The following CIMAP3 variants were observed in gnomAD, a reference collection of about 807,000 sequenced individuals.
CIMAP3 encodes the protein ciliary microtubule associated protein 3, also known as ciliary microtubule-associated protein 3.
the CIMAP3 span, chr1:111,346,896 C>G: frequency 6.2e-7 from 1 of 1,612,872 alleles, no homozygotes; most frequent in South Asian, 1.1e-5. Context: ...TGGAGCCTCT[C>G]CTCTTTATTT....
the CIMAP3 span, chr1:111,347,032 G>A: frequency 3.0e-5 from 49 of 1,612,802 alleles, no homozygotes; most frequent in South Asian, 5.4e-4. Context: ...CAGAGGGCCT[G>A]GGTGTTATTT....
the CIMAP3 span, among the ~76,000 whole-genome samples, chr1:111,327,102 G>A: frequency 0.11 from 16,954 of 149,678 alleles, 1,042 homozygotes; most frequent in Non-Finnish European, 0.13. Context: ...TAATATAGTC[G>A]ATTTGTCTAT....
At chr1:111,350,303 T>G in the CIMAP3 span, 1,640 of 1,148,526 alleles carry the variant, frequency 1.4e-3, 3 homozygotes, top group Non-Finnish European at 1.9e-3. Flanking sequence ...TAATTAGGGG[T>G]CTGTGAATGA....
the CIMAP3 span, chr1:111,348,613 T>G: frequency 1.2e-6 from 2 of 1,612,160 alleles, no homozygotes; most frequent in African/African-American, 2.7e-5. Flanking sequence ...GTGCCTCGAT[T>G]TAAGAACTAC....
At chr1:111,333,580 C>G in the CIMAP3 span, among the ~76,000 whole-genome samples, 1 of 152,088 alleles carries the variant, frequency 6.6e-6, no homozygotes, top group South Asian at 2.1e-4. Context: ...TTTGTGGTGA[C>G]TGGTGGGAAT....
the CIMAP3 span, among the ~76,000 whole-genome samples, chr1:111,347,995 T>C: frequency 6.6e-6 from 1 of 152,360 alleles, no homozygotes; most frequent in Non-Finnish European, 1.5e-5. Flanking sequence ...AACAATTTAC[T>C]GAAGAAATGG....
the CIMAP3 span, among the ~76,000 whole-genome samples, chr1:111,339,266 C>T: frequency 6.6e-6 from 1 of 151,386 alleles, no homozygotes; most frequent in Non-Finnish European, 1.5e-5. Flanking sequence ...TGGGCAAAAA[C>T]TGGAAGCATT....
the CIMAP3 span, chr1:111,350,143 A>C: frequency 6.2e-7 from 1 of 1,614,124 alleles, no homozygotes; most frequent in East Asian, 2.2e-5. Flanking sequence ...GCCACCGCCA[A>C]AAATTGCCTG....
chr1:111,344,884 A>G, the CIMAP3 span, among the ~76,000 whole-genome samples: 1 of 152,248 alleles, frequency 6.6e-6, no homozygotes, highest in Non-Finnish European at 1.5e-5. Flanking sequence ...ACAATGGAGC[A>G]GCCCTATACA....
the CIMAP3 span, among the ~76,000 whole-genome samples, chr1:111,344,221 T>C: frequency 6.6e-6 from 1 of 152,244 alleles, no homozygotes; most frequent in Non-Finnish European, 1.5e-5. Flanking sequence ...TTTAATGCAA[T>C]TGGGAACTGA....
chr1:111,334,800 A>G, the CIMAP3 span, among the ~76,000 whole-genome samples: 1 of 152,216 alleles, frequency 6.6e-6, no homozygotes. Context: ...CAATGAAAGG[A>G]AAGAATCAGT....
chr1:111,331,037 G>A, the CIMAP3 span, among the ~76,000 whole-genome samples: 1 of 152,150 alleles, frequency 6.6e-6, no homozygotes, highest in African/African-American at 2.4e-5. Flanking sequence ...ATTCTCTCCT[G>A]CCCTATAAGG....
the CIMAP3 span, chr1:111,351,315 G>C: frequency 6.3e-7 from 1 of 1,578,236 alleles, no homozygotes; most frequent in Admixed American, 2.0e-5. Flanking sequence ...ACCTAAGCCT[G>C]TATTATAATT....
the CIMAP3 span, among the ~76,000 whole-genome samples, chr1:111,343,714 G>T: frequency 1.3e-5 from 2 of 152,170 alleles, no homozygotes; most frequent in Non-Finnish European, 2.9e-5. Context: ...ACGATGTTCG[G>T]TCTGGCTTTA....
the CIMAP3 span, among the ~76,000 whole-genome samples, chr1:111,344,636 A>G: frequency 1.3e-5 from 2 of 152,258 alleles, no homozygotes; most frequent in African/African-American, 4.8e-5. Context: ...GAAGCAAACC[A>G]GTCTACCAAA....
At chr1:111,345,185 T>C in the CIMAP3 span, among the ~76,000 whole-genome samples, 1 of 152,240 alleles carries the variant, frequency 6.6e-6, no homozygotes, top group African/African-American at 2.4e-5. Flanking sequence ...AATGGGTGAT[T>C]GCATTTCTTT....
the CIMAP3 span, among the ~76,000 whole-genome samples, chr1:111,333,684 T>A: frequency 6.6e-6 from 1 of 152,162 alleles, no homozygotes; most frequent in African/African-American, 2.4e-5. Context: ...AGGAAAGGTG[T>A]CTCCATTCTG....
the CIMAP3 span, among the ~76,000 whole-genome samples, chr1:111,337,872 C>T: frequency 6.6e-6 from 1 of 151,616 alleles, no homozygotes; most frequent in Admixed American, 6.6e-5. Flanking sequence ...GAACTCTCCA[C>T]ACCAAATCAA....
the CIMAP3 span, among the ~76,000 whole-genome samples, chr1:111,342,306 C>T: frequency 2.0e-4 from 30 of 152,082 alleles, no homozygotes; most frequent in African/African-American, 6.8e-4. Context: ...CTAAGAATAC[C>T]GTATCCAGGT....
Sources: gnomAD v4.1 joint callset for allele counts (sites outside exome capture counted in the v4.1 genomes callset) on GRCh38, gnomAD v4.1.1 for gene constraint, MANE v1.5 for transcripts, NCBI Gene and HGNC (gene_info 2026-07-23, HGNC 2026-07-21) for gene names.